TRMT11: variants seen among roughly 807,000 people sequenced by gnomAD.
TRMT11 encodes the protein tRNA (guanine(10)-N(2))-methyltransferase TRMT11.
Under a neutral mutation model 62.8 loss-of-function variants are expected in TRMT11, and 53 were observed. That is an observed-to-expected ratio of 0.84 (90% CI 0.68 to 1.06). The LOEUF (loss-of-function observed/expected upper bound fraction) is 1.06, where lower values mean the gene tolerates loss of function less well. TRMT11 is among the 50% of genes least tolerant of loss of function. The pLI is 0.00. For synonymous variants in TRMT11, 188 were observed against 190.3 expected (o/e 0.99, Z 0.10); for missense variants, 556 against 553.4 (o/e 1.00, Z -0.05).
At chr6:126,200,282 T>C (rs1175607318) in intron 3 of TRMT11, among the ~76,000 whole-genome samples, 1 of 152,176 alleles carries the variant, frequency 6.6e-6, no homozygotes, top group Non-Finnish European at 1.5e-5. Flanking sequence ...TCCTGGAAGC[T>C]TGAAGAAAGC....
intron 21 of TRMT11, among the ~76,000 whole-genome samples, chr6:126,140,909 A>G (rs2128214669): frequency 6.6e-6 from 1 of 152,218 alleles, no homozygotes; most frequent in African/African-American, 2.4e-5. Flanking sequence ...TTCAGGAATC[A>G]TAGAATTAAA....
the TRMT11 span, among the ~76,000 whole-genome samples, chr6:126,268,726 T>G: frequency 6.6e-6 from 1 of 152,182 alleles, no homozygotes; most frequent in Non-Finnish European, 1.5e-5. Context: ...AACATTTTAT[T>G]CAATCCAAGT....
intron 21 of TRMT11, among the ~76,000 whole-genome samples, chr6:126,140,244 G>A (rs1777902253): frequency 6.6e-6 from 1 of 151,502 alleles, no homozygotes; most frequent in Non-Finnish European, 1.5e-5. Context: ...GTCCTGATGT[G>A]TAATTAAAAA....
At chr6:126,074,971 A>T (rs568739379) in intron 17 of TRMT11, among the ~76,000 whole-genome samples, 155 of 152,250 alleles carry the variant, frequency 1.0e-3, no homozygotes, top group African/African-American at 3.5e-3. Context: ...ATTTTTATTA[A>T]TTTTTTAAAA....
the TRMT11 span, among the ~76,000 whole-genome samples, chr6:126,259,094 T>C: frequency 6.6e-6 from 1 of 152,210 alleles, no homozygotes; most frequent in Non-Finnish European, 1.5e-5. Context: ...TCTGTTTCTG[T>C]GTTACTTTAC....
At chr6:126,272,107 A>C in the TRMT11 span, among the ~76,000 whole-genome samples, 8 of 152,348 alleles carry the variant, frequency 5.3e-5, no homozygotes, top group African/African-American at 1.9e-4. Context: ...GGATTTCATC[A>C]TTATGAATAA....
At chr6:126,248,685 T>C in the TRMT11 span, among the ~76,000 whole-genome samples, 1 of 152,138 alleles carries the variant, frequency 6.6e-6, no homozygotes, top group East Asian at 1.9e-4. Context: ...AAACCTTTCA[T>C]GAGGAACTCT....
the TRMT11 span, among the ~76,000 whole-genome samples, chr6:126,213,049 A>G: frequency 3.3e-5 from 5 of 151,916 alleles, no homozygotes; most frequent in Non-Finnish European, 7.4e-5. Context: ...AGTGTATGCT[A>G]TTGGCATCTT....
intron 1 of TRMT11, among the ~76,000 whole-genome samples, chr6:126,180,621 C>T (rs1398839352): frequency 6.6e-6 from 1 of 152,118 alleles, no homozygotes; most frequent in Non-Finnish European, 1.5e-5. Flanking sequence ...CATATAGAAA[C>T]AAGAATGATT....
the TRMT11 span, among the ~76,000 whole-genome samples, chr6:126,219,496 C>T: frequency 6.6e-6 from 1 of 152,134 alleles, no homozygotes; most frequent in African/African-American, 2.4e-5. Flanking sequence ...TCTTACATAC[C>T]AGCTCTCTTC....
rs186485440 is a variant in TRMT11 at position 126,161,602 on chromosome 6, T to G, written c.*1824-13223T>G. ...AATCCTTTGGGTATATACCCAGTAA[T>G]GGGATGGCTGGGTCAAATGGTATTT... is the stretch of plus-strand genomic sequence containing the variant. On this transcript the variant is annotated intron_variant and NMD_transcript_variant, in intron 21 of 22. Coordinates refer to the TRMT11 transcript ENST00000648977. Among the ~76,000 whole-genome samples, 118 of 152,316 alleles carry G rather than the reference T, an allele frequency of 7.7e-4. 1 individual carries two copies. Among genetic ancestry groups the G allele is most frequent in the South Asian group, 2.1e-4 (1 of 4,822 alleles).
chr6:126,207,678 A>C (rs1778802577), downstream of TRMT11, among the ~76,000 whole-genome samples: 1 of 152,228 alleles, frequency 6.6e-6, no homozygotes, highest in Non-Finnish European at 1.5e-5. Flanking sequence ...CGCTGTAGTT[A>C]GGGTGTATAA....
At chr6:126,242,207 C>A in the TRMT11 span, among the ~76,000 whole-genome samples, 1 of 152,200 alleles carries the variant, frequency 6.6e-6, no homozygotes, top group Admixed American at 6.5e-5. Flanking sequence ...AAATAAAATA[C>A]CTAGGAATCC....
chr6:126,209,453 G>T, the TRMT11 span, among the ~76,000 whole-genome samples: 2 of 151,982 alleles, frequency 1.3e-5, no homozygotes, highest in African/African-American at 4.8e-5. Context: ...GGGCGCGGTG[G>T]CTCACTCCTG....
intron 21 of TRMT11, among the ~76,000 whole-genome samples, chr6:126,139,024 T>C (rs1777884580): frequency 6.6e-6 from 1 of 152,020 alleles, no homozygotes; most frequent in African/African-American, 2.4e-5. Flanking sequence ...CAATAATGCA[T>C]ACTTAGCAGC....
At chr6:126,193,154 A>G (rs899411728) in intron 1 of TRMT11, among the ~76,000 whole-genome samples, 1 of 152,008 alleles carries the variant, frequency 6.6e-6, no homozygotes, top group African/African-American at 2.4e-5. Context: ...TCCTGGTTTA[A>G]TCCTGGTAGG....
intron 17 of TRMT11, among the ~76,000 whole-genome samples, chr6:126,099,923 G>A (rs1398677324): frequency 1.3e-5 from 2 of 152,156 alleles, no homozygotes; most frequent in Non-Finnish European, 2.9e-5. Flanking sequence ...CAGACTGGGT[G>A]TGGAGCCTGG....
At chr6:126,228,400 A>C in the TRMT11 span, among the ~76,000 whole-genome samples, 13 of 152,340 alleles carry the variant, frequency 8.5e-5, 1 homozygote, top group South Asian at 2.7e-3. Context: ...GAAGCCATAG[A>C]ATAACGTACT....
At chr6:126,172,636 C>T (rs1343954211), upstream of TRMT11, among the ~76,000 whole-genome samples, 3 of 152,048 alleles carry the variant, frequency 2.0e-5, no homozygotes, top group Admixed American at 6.5e-5. Context: ...ATACTGTTAG[C>T]GTGACTTTGT....
Sources: gnomAD v4.1 joint callset for allele counts (sites outside exome capture counted in the v4.1 genomes callset) on GRCh38, gnomAD v4.1.1 for gene constraint, MANE v1.5 for transcripts, NCBI Gene and HGNC (gene_info 2026-07-23, HGNC 2026-07-21) for gene names.